RPS6KA6: variants seen among roughly 807,000 people sequenced by gnomAD.
RPS6KA6 encodes the protein ribosomal protein S6 kinase alpha-6.
Under a neutral mutation model 65.4 loss-of-function variants are expected in RPS6KA6, and 27 were observed. The ratio of observed to expected loss-of-function variants is 0.41; its 90% CI spans 0.30 to 0.57. RPS6KA6 has a LOEUF of 0.57. Ranked by LOEUF, RPS6KA6 falls within the 20% of genes least tolerant of loss-of-function variation. The probability of loss-of-function intolerance (pLI) is 0.24; values close to 1 mark genes in which losing one functional copy is unlikely to be tolerated. For synonymous variants in RPS6KA6, 190 were observed against 184.2 expected (o/e 1.03, Z -0.26); for missense variants, 486 against 555.6 (o/e 0.87, Z 1.26).
intron 20 of RPS6KA6, among the ~76,000 whole-genome samples, chrX:84,094,031 TTTTC>T (rs776415140): frequency 1.9e-5 from 2 of 108,075 alleles, no homozygotes; most frequent in African/African-American, 3.3e-5. Context: ...ACCATCAGCG[TTTTC>T]TTTTTCTGTT....
chrX:84,065,763 C>T (rs1461580168), intron 20 of RPS6KA6, among the ~76,000 whole-genome samples: 1 of 112,258 alleles, frequency 8.9e-6, no homozygotes, highest in Non-Finnish European at 1.9e-5. Flanking sequence ...AATAAACTGT[C>T]TCTCCCAAGT....
Position 84,117,374 on chromosome X carries a change from T to G in RPS6KA6, c.860+10A>C, listed in dbSNP as rs779341993. The G allele has an allele frequency of 4.3e-5, 46 of 1,071,066 alleles. No homozygotes were observed. Among genetic ancestry groups the G allele is most frequent in the Non-Finnish European group, 5.7e-5 (45 of 792,027 alleles). 88.3% of individuals were successfully genotyped at this position (1,071,066 alleles called of 1,213,427 possible). Reference sequence around the variant, plus strand: ...TTTTCCCAAAAGAAAAACATACTGTTTACACTTACTTTAATATCATATTCA... The same window carrying G: ...TTTTCCCAAAAGAAAAACATACTGTGTACACTTACTTTAATATCATATTCA... On this transcript the variant is annotated intron_variant, in intron 10 of 21. Coordinates refer to ENST00000262752, the MANE Select transcript of RPS6KA6 (RefSeq NM_014496.5).
At chrX:84,152,366 T>G (rs1360106752) in intron 3 of RPS6KA6, among the ~76,000 whole-genome samples, 1 of 110,798 alleles carries the variant, frequency 9.0e-6, no homozygotes, top group Non-Finnish European at 1.9e-5. Context: ...TTTATTGATT[T>G]TTACTATTAT....
intron 8 of RPS6KA6, among the ~76,000 whole-genome samples, chrX:84,131,610 G>C (rs2034899559): frequency 8.9e-6 from 1 of 111,755 alleles, no homozygotes; most frequent in Non-Finnish European, 1.9e-5. Flanking sequence ...ACCTTTCAGA[G>C]ATTTATGCCA....
At chrX:84,095,091 T>C (rs2034127062) in intron 20 of RPS6KA6, among the ~76,000 whole-genome samples, 2 of 111,808 alleles carry the variant, frequency 1.8e-5, no homozygotes, top group Admixed American at 1.9e-4. Context: ...CACAGCATAC[T>C]CATACTAAGG....
intron 4 of RPS6KA6, 77 bp downstream of exon 4, chrX:84,147,965 T>C (rs2035228786): frequency 1.7e-6 from 1 of 573,090 alleles, no homozygotes; most frequent in Non-Finnish European, 2.7e-6. Flanking sequence ...CTATTCACCT[T>C]ATGCAAGTAA....
intron 8 of RPS6KA6, among the ~76,000 whole-genome samples, chrX:84,125,319 A>T (rs1025267185): frequency 1.8e-5 from 2 of 112,191 alleles, no homozygotes; most frequent in African/African-American, 6.5e-5. Flanking sequence ...ATGATGAACC[A>T]ATCAAATAAT....
chrX:84,105,610 G>A (rs1336420571), intron 16 of RPS6KA6, among the ~76,000 whole-genome samples, 177 bp downstream of exon 16: 1 of 109,282 alleles, frequency 9.2e-6, no homozygotes, highest in African/African-American at 3.3e-5. Context: ...TATTCTATAA[G>A]ACTAGAAGTA....
At chrX:84,151,795 T>C (rs1352179281) in intron 3 of RPS6KA6, among the ~76,000 whole-genome samples, 1 of 112,077 alleles carries the variant, frequency 8.9e-6, no homozygotes, top group Non-Finnish European at 1.9e-5. Context: ...ACTGCATATG[T>C]AATAAAATGA....
chrX:84,077,359 A>C (rs1202522111), intron 20 of RPS6KA6, among the ~76,000 whole-genome samples: 1 of 111,895 alleles, frequency 8.9e-6, no homozygotes, highest in Non-Finnish European at 1.9e-5. Flanking sequence ...CTGATTTCAA[A>C]ATTTAATTAT....
rs1254579198 is a variant in RPS6KA6 at position 84,151,156 on chromosome X, T to C, written c.259-3033A>G. The stretch of plus-strand genomic sequence containing the variant: ...GATATATAGGATATATAGATATATA[T>C]AGGATATATAGATATATATATAGCT... On this transcript the variant is annotated intron_variant, in intron 3 of 21. Coordinates refer to ENST00000262752, the MANE Select transcript of RPS6KA6 (RefSeq NM_014496.5). Among the ~76,000 whole-genome samples, 5 of 99,629 alleles carry C rather than the reference T, an allele frequency of 5.0e-5. 1 individual carries two copies. Among genetic ancestry groups the C allele is most frequent in the Admixed American group, 4.6e-4 (4 of 8,650 alleles). The allele number at this position is 99,629 out of a possible 115,157, so 86.5% of individuals were successfully genotyped here. A position where few individuals can be genotyped will look rare whatever the true frequency, so the allele number is the denominator to read the frequency against.
At chrX:84,113,672 T>C (rs370767204) in intron 12 of RPS6KA6, among the ~76,000 whole-genome samples, 8 of 111,748 alleles carry the variant, frequency 7.2e-5, no homozygotes, top group African/African-American at 1.3e-4. Flanking sequence ...TCCAACATCA[T>C]ACCAAATGCA....
At chrX:84,180,820 G>T (rs908480159) in intron 1 of RPS6KA6, among the ~76,000 whole-genome samples, 5 of 111,409 alleles carry the variant, frequency 4.5e-5, no homozygotes, top group African/African-American at 1.3e-4. Flanking sequence ...TTGTCCTTAG[G>T]GGGGAGATAG....
In RPS6KA6 at chrX:84,156,587, C is replaced by CT. The variant is rs769877327; in HGVS notation, c.142-397dup. Among the ~76,000 whole-genome samples the CT allele has an allele frequency of 1.4e-3, 155 of 111,331 alleles. 1 individual carries two copies. Among genetic ancestry groups the CT allele is most frequent in the African/African-American group, 4.7e-3 (145 of 30,691 alleles). On this transcript the variant is annotated intron_variant, in intron 2 of 21. Coordinates refer to ENST00000262752, the MANE Select transcript of RPS6KA6 (RefSeq NM_014496.5). ...TGACCAAAAAACGTGACCTCAAGAG[C>CT]TTTTTTAAATAGTATTTCACTATAC...
chrX:84,182,061 T>TCA (rs1459544427), intron 1 of RPS6KA6, among the ~76,000 whole-genome samples: 21 of 77,477 alleles, frequency 2.7e-4, no homozygotes, highest in South Asian at 6.7e-4. Flanking sequence ...TCTCTCTCTC[T>TCA]CTCACACACA....
intron 8 of RPS6KA6, among the ~76,000 whole-genome samples, chrX:84,134,095 A>T (rs2034950610): frequency 8.9e-6 from 1 of 111,861 alleles, no homozygotes; most frequent in Non-Finnish European, 1.9e-5. Flanking sequence ...AACACATGTA[A>T]CGTTTTTAGA....
chrX:84,127,052 T>C (rs192183722), intron 8 of RPS6KA6, among the ~76,000 whole-genome samples: 1 of 111,391 alleles, frequency 9.0e-6, no homozygotes, highest in East Asian at 2.8e-4. Context: ...AAACTTGCTT[T>C]TTGAAAAAAC....
chrX:84,089,380 G>A (rs1412616034), intron 20 of RPS6KA6, among the ~76,000 whole-genome samples: 2 of 111,961 alleles, frequency 1.8e-5, no homozygotes, highest in East Asian at 2.8e-4. Context: ...CTTGTGAGGT[G>A]CCATGGAAGT....
chrX:84,127,684 C>T (rs6616902), intron 8 of RPS6KA6, among the ~76,000 whole-genome samples: 6,776 of 110,190 alleles, frequency 0.061, 229 homozygotes, highest in East Asian at 0.2. Context: ...CTTAATATGA[C>T]ACATCATACC....
Sources: allele counts gnomAD v4.1 joint callset (sites outside exome capture counted in the v4.1 genomes callset), GRCh38; gene constraint gnomAD v4.1.1; transcripts MANE v1.5; gene names NCBI Gene and HGNC (gene_info 2026-07-23, HGNC 2026-07-21).